The following FAM171A1 variants were observed in gnomAD, a reference collection of about 807,000 sequenced individuals.
The protein encoded by FAM171A1 is family with sequence similarity 171 member A1.
A neutral mutation model predicts 74.9 loss-of-function variants in FAM171A1; 23 were observed. That is an observed-to-expected ratio of 0.31 (90% confidence interval 0.22 to 0.44). The LOEUF is 0.44. FAM171A1 is among the 20% of genes least tolerant of loss of function. The pLI is 1.00. For missense variants in FAM171A1, 1,162 were observed against 1,159.2 expected (o/e 1.00, Z -0.03); for synonymous variants, 527 against 505.7 (o/e 1.04, Z -0.57).
At chr10:15,368,074 G>C (rs1361506519) in intron 1 of FAM171A1, among the ~76,000 whole-genome samples, 2 of 152,120 alleles carry the variant, frequency 1.3e-5, no homozygotes, top group South Asian at 2.1e-4. Flanking sequence ...CCAGAAAATA[G>C]ATTCGATACT....
intron 5 of FAM171A1, among the ~76,000 whole-genome samples, chr10:15,230,024 C>A (rs1834184834): frequency 6.6e-6 from 1 of 151,766 alleles, no homozygotes; most frequent in African/African-American, 2.4e-5. Flanking sequence ...CTAGAGCTTT[C>A]ATCTGCATTA....
chr10:15,315,363 G>T (rs1835410553), intron 1 of FAM171A1, among the ~76,000 whole-genome samples: 1 of 152,200 alleles, frequency 6.6e-6, no homozygotes, highest in Non-Finnish European at 1.5e-5. Context: ...CGTACTTTGA[G>T]TGTTAGTTGT....
At chr10:15,325,743 C>T (rs958232863) in intron 1 of FAM171A1, among the ~76,000 whole-genome samples, 5 of 152,074 alleles carry the variant, frequency 3.3e-5, no homozygotes, top group Non-Finnish European at 5.9e-5. Flanking sequence ...TCTTCGCCCA[C>T]GGTCGTGCTT....
At chr10:15,219,609 T>C (rs1834010892) in intron 6 of FAM171A1, among the ~76,000 whole-genome samples, 1 of 152,190 alleles carries the variant, frequency 6.6e-6, no homozygotes, top group Non-Finnish European at 1.5e-5. Flanking sequence ...TGAGAGGGTG[T>C]CTCGCTCTGT....
chr10:15,356,807 C>T (rs1835937878), intron 1 of FAM171A1, among the ~76,000 whole-genome samples: 1 of 151,848 alleles, frequency 6.6e-6, no homozygotes, highest in Non-Finnish European at 1.5e-5. Flanking sequence ...CCTGTCTCTA[C>T]TGAAAATACA....
At chr10:15,301,344 C>CTATATA (rs370421783) in intron 1 of FAM171A1, among the ~76,000 whole-genome samples, 86 of 139,422 alleles carry the variant, frequency 6.2e-4, no homozygotes, top group Middle Eastern at 7.3e-3. Context: ...ACACGCCCAG[C>CTATATA]TATATATATA....
intron 5 of FAM171A1, among the ~76,000 whole-genome samples, chr10:15,231,280 C>T (rs113108372): frequency 0.073 from 11,138 of 152,098 alleles, 469 homozygotes; most frequent in Middle Eastern, 0.17. Flanking sequence ...TCACAGCTCA[C>T]TGCAGCTTCG....
In FAM171A1 at chr10:15,214,328, G is replaced by A. The variant is rs1347019512; in HGVS notation, c.1260C>T (p.Ser420=). ...LHTPMLKLSY[S]TSQEFSSREE... ...CCCGGGAGCTAAATTCCTGGGAGGT[G>A]CTGTAGGAGAGCTTGAGCATGGGGG... is the stretch of plus-strand genomic sequence containing the variant. The change falls in exon 8 of 8, where the codon AGC becomes AGT. Residue 420 remains serine (S), a synonymous_variant. Transcript: ENST00000378116. 1.9e-6 allele frequency: 3 copies of A among 1,612,766 alleles called. No homozygotes were observed. The highest frequency in any genetic ancestry group is 2.2e-5 in the South Asian group (2 of 90,936).
intron 1 of FAM171A1, among the ~76,000 whole-genome samples, chr10:15,367,566 G>A (rs535322916): frequency 1.3e-5 from 2 of 152,304 alleles, no homozygotes; most frequent in East Asian, 3.9e-4. Flanking sequence ...CCGTAAGTTA[G>A]GCTTGTTGGA....
At chr10:15,297,803 G>A (rs545083044) in intron 1 of FAM171A1, among the ~76,000 whole-genome samples, 1 of 152,276 alleles carries the variant, frequency 6.6e-6, no homozygotes, top group South Asian at 2.1e-4. Flanking sequence ...TTAAACAGCA[G>A]AAGTTCATTC....
chr10:15,247,156 G>A (rs1190860354), intron 5 of FAM171A1, among the ~76,000 whole-genome samples: 4 of 152,214 alleles, frequency 2.6e-5, no homozygotes, highest in Non-Finnish European at 5.9e-5. Context: ...CCAAAGTGAA[G>A]TATGATATAT....
intron 1 of FAM171A1, among the ~76,000 whole-genome samples, chr10:15,316,836 G>A (rs998942357): frequency 6.6e-6 from 1 of 152,160 alleles, no homozygotes; most frequent in East Asian, 1.9e-4. Context: ...AGTCTCCAAC[G>A]CACATGTGCT....
chr10:15,299,838 C>A (rs891736678), intron 1 of FAM171A1, among the ~76,000 whole-genome samples: 3 of 151,882 alleles, frequency 2.0e-5, no homozygotes, highest in Non-Finnish European at 4.4e-5. Flanking sequence ...ATTAGACGGG[C>A]GTGGTGGTGG....
chr10:15,306,086 T>A (rs1411208955), intron 1 of FAM171A1, among the ~76,000 whole-genome samples: 1 of 152,182 alleles, frequency 6.6e-6, no homozygotes, highest in African/African-American at 2.4e-5. Context: ...GATAAATGTA[T>A]CACGGGCATG....
chr10:15,224,026 G>A (rs764612372), intron 5 of FAM171A1, among the ~76,000 whole-genome samples: 1 of 152,226 alleles, frequency 6.6e-6, no homozygotes, highest in Non-Finnish European at 1.5e-5. Context: ...TGGAGGGCCT[G>A]CAGTCCAGCA....
rs1833897243 is a variant in FAM171A1 at position 15,212,102 on chromosome 10, C to T, written c.*813G>A. ...TAACTGTATAAAATCCAGGCAGTTCCATTAAAGGGGTTAAGAAAACCAACA... is the reference window on the plus strand; with the variant it reads ...TAACTGTATAAAATCCAGGCAGTTCTATTAAAGGGGTTAAGAAAACCAACA... On this transcript the variant is annotated 3_prime_UTR_variant, in exon 8 of 8. Transcript: ENST00000378116. 6.6e-6 allele frequency: 1 copy of T among 152,584 alleles called. No individual in the cohort carries two copies. The highest frequency in any genetic ancestry group is 1.5e-5 in the Non-Finnish European group (1 of 68,044). The allele number at this position is 152,584 out of a possible 1,614,324, so 9.5% of individuals were successfully genotyped here.
chr10:15,337,958 A>C (rs7903601), intron 1 of FAM171A1, among the ~76,000 whole-genome samples: 78,936 of 151,394 alleles, frequency 0.52, 20,721 homozygotes, highest in East Asian at 0.8. Context: ...CTTAAAAAAA[A>C]CAAAAAAAAC....
At chr10:15,289,374 T>C (rs890086050) in intron 1 of FAM171A1, among the ~76,000 whole-genome samples, 1 of 151,966 alleles carries the variant, frequency 6.6e-6, no homozygotes, top group South Asian at 2.1e-4. Context: ...CCCCGCTGAG[T>C]TGGTCACCTG....
At chr10:15,312,613 C>CT (rs1335816052) in intron 1 of FAM171A1, among the ~76,000 whole-genome samples, 2 of 122,934 alleles carry the variant, frequency 1.6e-5, no homozygotes, top group African/African-American at 6.3e-5. Context: ...GTTTGTTACT[C>CT]TTTTTAAAAA....
Sources: gnomAD v4.1 joint callset for allele counts (sites outside exome capture counted in the v4.1 genomes callset) on GRCh38, gnomAD v4.1.1 for gene constraint, MANE v1.5 for transcripts, NCBI Gene and HGNC (gene_info 2026-07-23, HGNC 2026-07-21) for gene names.